Variants in C4orf50 observed in about 807,000 individuals in gnomAD.
C4orf50 encodes the protein chromosome 4 open reading frame 50.
Under a neutral mutation model 77.2 loss-of-function variants are expected in C4orf50, and 80 were observed. The ratio of observed to expected loss-of-function variants is 1.04; its 90% CI spans 0.87 to 1.25. The LOEUF is 1.25. Ranked by LOEUF, C4orf50 falls within the 50% of genes most tolerant of loss-of-function variation. The pLI is 0.00. For missense variants in C4orf50, 1,257 were observed against 1,152.9 expected, an observed-to-expected ratio of 1.09 and a Z score of -1.31; for synonymous variants, 532 against 465.3, an observed-to-expected ratio of 1.14 and a Z score of -1.84.
At chr4:5,955,248 T>C (rs6855903), downstream of C4orf50, among the ~76,000 whole-genome samples, 20,843 of 151,986 alleles carry the variant, frequency 0.14, 3,505 homozygotes, top group African/African-American at 0.4. The surrounding 1 kb of genome is among the most constrained non-coding windows in gnomAD (Gnocchi z 5.1). Context: ...ACTCACACCT[T>C]ACCACGGCCC....
intron 25 of C4orf50, among the ~76,000 whole-genome samples, chr4:6,005,267 T>C (rs1722202222): frequency 6.6e-6 from 1 of 152,166 alleles, no homozygotes; most frequent in Non-Finnish European, 1.5e-5. Context: ...GGGACCACAC[T>C]TGATGGGCAA....
rs1004502673 is a variant in C4orf50 at position 6,017,346 on chromosome 4, G to A, written c.287+799C>T. The stretch of plus-strand genomic sequence containing the variant: ...AGGCCACCCAGCGGGAGCTGGGACC[G>A]CAGAGGAAGCCGAGAGCACATCTGA... On this transcript the variant is annotated intron_variant, in intron 23 of 33. Coordinates refer to ENST00000531445, the Ensembl canonical transcript of C4orf50. This position sits in a 1 kb window ranked among gnomAD's most constrained non-coding sequence, Gnocchi z 4.7. Among the ~76,000 whole-genome samples the A allele has an allele frequency of 2.6e-5, 4 of 152,232 alleles. No homozygotes were observed. The highest frequency in any genetic ancestry group is 2.0e-4 in the Admixed American group (3 of 15,288).
At chr4:5,944,243 G>C (rs775830562) in intron 7 of C4orf50, among the ~76,000 whole-genome samples, 6 of 152,142 alleles carry the variant, frequency 3.9e-5, no homozygotes, top group Admixed American at 6.5e-5. Flanking sequence ...GCTTCTCCTG[G>C]CTTTCCCTGG....
chr4:5,977,344 C>A (rs59558869), intron 29 of C4orf50, among the ~76,000 whole-genome samples: 34,282 of 152,186 alleles, frequency 0.23, 4,679 homozygotes, highest in East Asian at 0.67. Context: ...CTCTTCCTCA[C>A]CCCCAAACTC....
At chr4:5,948,947 T>G (rs1577920835) in intron 7 of C4orf50, among the ~76,000 whole-genome samples, 1 of 118,776 alleles carries the variant, frequency 8.4e-6, no homozygotes. Context: ...GGCAACAGAG[T>G]GAGACTCCAT....
chr4:5,969,974 T>C (rs1719809814), intron 31 of C4orf50, among the ~76,000 whole-genome samples: 1 of 152,044 alleles, frequency 6.6e-6, no homozygotes, highest in Non-Finnish European at 1.5e-5. Context: ...TCTTAGCCAG[T>C]GCTGTGTCCC....
At chr4:5,995,790 G>A (rs950252398) in intron 25 of C4orf50, among the ~76,000 whole-genome samples, 2 of 152,162 alleles carry the variant, frequency 1.3e-5, no homozygotes, top group Admixed American at 6.5e-5. Flanking sequence ...TTAGATTGAC[G>A]AGTGCATTCA....
intron 7 of C4orf50, among the ~76,000 whole-genome samples, chr4:5,944,432 A>G (rs764762263): frequency 9.9e-5 from 15 of 152,164 alleles, no homozygotes; most frequent in African/African-American, 1.2e-4. Context: ...TGGAGACACT[A>G]GGTGAAACTA....
chr4:5,975,139 C>CAAAAAAAAAAAAAAAAAAAA (rs763836859), intron 30 of C4orf50, among the ~76,000 whole-genome samples: 1 of 82,872 alleles, frequency 1.2e-5, no homozygotes, highest in African/African-American at 4.1e-5. Context: ...CACTCCATCT[C>CAAAAAAAAAAAAAAAAAAAA]AAAAAAAAAA....
intron 7 of C4orf50, among the ~76,000 whole-genome samples, chr4:5,943,858 C>G (rs190859268): frequency 6.6e-6 from 1 of 152,190 alleles, no homozygotes; most frequent in Non-Finnish European, 1.5e-5. Context: ...CCTTAAACGA[C>G]GAATTCCTTT....
At chr4:5,943,705 T>G (rs965974678) in intron 7 of C4orf50, among the ~76,000 whole-genome samples, 2 of 152,222 alleles carry the variant, frequency 1.3e-5, no homozygotes, top group Non-Finnish European at 2.9e-5. Flanking sequence ...CTATGAAGCC[T>G]CTAACACACC....
intron 7 of C4orf50, among the ~76,000 whole-genome samples, chr4:5,945,468 A>G (rs909445553): frequency 1.3e-5 from 2 of 152,172 alleles, no homozygotes; most frequent in Non-Finnish European, 1.5e-5. Context: ...CTCCGATTTC[A>G]TTGACAAACA....
intron 31 of C4orf50, among the ~76,000 whole-genome samples, chr4:5,969,538 A>G (rs1372180791): frequency 1.3e-5 from 2 of 151,342 alleles, no homozygotes; most frequent in Non-Finnish European, 2.9e-5. Context: ...CGACTGGATG[A>G]CTCTCCCCTG....
At chr4:5,990,083 G>C in exon 28 of C4orf50, 2 of 1,312,454 alleles carry the variant, frequency 1.5e-6, no homozygotes, top group Non-Finnish European at 1.9e-6. Flanking sequence ...CCTCCTCGGA[G>C]ACCCCAGACG....
chr4:5,979,036 T>C (rs1720431854), intron 29 of C4orf50, among the ~76,000 whole-genome samples: 1 of 152,222 alleles, frequency 6.6e-6, no homozygotes, highest in Non-Finnish European at 1.5e-5. Flanking sequence ...TGTCCAACAA[T>C]TGTAAAGTTG....
intron 25 of C4orf50, among the ~76,000 whole-genome samples, chr4:5,995,456 G>A (rs1218760674): frequency 1.4e-5 from 2 of 147,976 alleles, no homozygotes; most frequent in Non-Finnish European, 3.0e-5. Context: ...TGCCACAGGG[G>A]AGAGGCTTGG....
At chr4:5,956,244 C>A (rs1172704776), downstream of C4orf50, among the ~76,000 whole-genome samples, 1 of 152,188 alleles carries the variant, frequency 6.6e-6, no homozygotes, top group African/African-American at 2.4e-5. Context: ...CCTACCTGGG[C>A]TTTTGCTCAT....
chr4:5,910,706 T>C (rs944116450), intron 7 of C4orf50, among the ~76,000 whole-genome samples: 7 of 152,114 alleles, frequency 4.6e-5, no homozygotes, highest in Non-Finnish European at 7.4e-5. Context: ...TCAAGAATCT[T>C]CTATGTGTGT....
rs115811570 is a variant in C4orf50 at position 6,011,300 on chromosome 4, G to A, written c.426+530C>T. The stretch of plus-strand genomic sequence containing the variant: ...GACTCACCCACTCCGTCCCCAGCAC[G>A]GTGATATCCTCTGTGTTCTCCCACA... On this transcript the variant is annotated intron_variant, in intron 24 of 33. Transcript: ENST00000531445. The surrounding 1 kb of genome is among the most constrained non-coding windows in gnomAD (Gnocchi z 4.2). 0.011 allele frequency among the ~76,000 whole-genome samples: 1,689 copies of A among 152,162 alleles called. 31 individuals carry two copies. Among genetic ancestry groups the A allele is most frequent in the African/African-American group, 0.039 (1,623 of 41,514 alleles).
Sources: allele counts gnomAD v4.1 joint callset (sites outside exome capture counted in the v4.1 genomes callset), GRCh38; gene constraint gnomAD v4.1.1; non-coding constraint Gnocchi (gnomAD v3.1); transcripts MANE v1.5; gene names NCBI Gene and HGNC (gene_info 2026-07-23, HGNC 2026-07-21).